Variants in ARHGEF37 observed in about 807,000 individuals in gnomAD.
ARHGEF37 encodes the protein Rho guanine nucleotide exchange factor (GEF) 37.
A neutral mutation model predicts 71.1 loss-of-function variants in ARHGEF37; 55 were observed. That is an observed-to-expected ratio of 0.77 (90% CI 0.62 to 0.97). The LOEUF is 0.97. Among genes scored for constraint, ARHGEF37 ranks in the 50% least tolerant of loss-of-function variants. The pLI, the probability that ARHGEF37 is intolerant of heterozygous loss-of-function variation, is 0.00. For missense variants in ARHGEF37, 765 were observed against 836.8 expected, an observed-to-expected ratio of 0.91 and a Z score of 1.06; for synonymous variants, 327 against 350.6, an observed-to-expected ratio of 0.93 and a Z score of 0.75.
rs537576039 is a variant in ARHGEF37 at position 149,624,001 on chromosome 5, T to C, written c.1336-11T>C. On this transcript the variant is annotated splice_polypyrimidine_tract_variant and intron_variant, in intron 9 of 12. Transcript: ENST00000333677. ...TGCCCAGCTCTGTTGACAGTGTCTGTCCCCACTTAGCTGCCCCACCACCAC... is the reference window on the plus strand; with the variant it reads ...TGCCCAGCTCTGTTGACAGTGTCTGCCCCCACTTAGCTGCCCCACCACCAC... 6.3e-7 allele frequency: 1 copy of C among 1,589,082 alleles called. No individual in the cohort carries two copies. The highest frequency in any genetic ancestry group is 2.3e-5 in the East Asian group (1 of 44,208).
At chr5:149,553,997 G>T (rs769345023) in intron 1 of ARHGEF37, among the ~76,000 whole-genome samples, 1 of 151,996 alleles carries the variant, frequency 6.6e-6, no homozygotes, top group Admixed American at 6.6e-5. Flanking sequence ...GTGAAACCCT[G>T]TCTCTACTAA....
chr5:149,628,512 C>T (rs1468265712), intron 11 of ARHGEF37, among the ~76,000 whole-genome samples: 3 of 152,182 alleles, frequency 2.0e-5, no homozygotes, highest in African/African-American at 7.2e-5. Flanking sequence ...GAGCTGGCGG[C>T]TCCATCAGAT....
chr5:149,598,084 G>C (rs1331703154), intron 2 of ARHGEF37, 129 bp downstream of exon 2: 1 of 1,132,922 alleles, frequency 8.8e-7, no homozygotes, highest in African/African-American at 1.6e-5. Flanking sequence ...AAGTCTGACA[G>C]ACCTGGATGT....
At chr5:149,605,736 T>C (rs953306334) in intron 3 of ARHGEF37, among the ~76,000 whole-genome samples, 1 of 152,210 alleles carries the variant, frequency 6.6e-6, no homozygotes, top group Non-Finnish European at 1.5e-5. Context: ...TCGTTACTTG[T>C]TGATTATTAT....
In ARHGEF37 at chr5:149,632,019, A is replaced by T. The variant is rs369725425; in HGVS notation, c.1856A>T (p.His619Leu). 6.2e-7 allele frequency: 1 copy of T among 1,614,118 alleles called. No homozygotes were observed. The change falls in exon 13 of 13, where the codon CAT becomes CTT. Residue 619 changes from histidine to leucine, a missense_variant. Physicochemically the swap from His to Leu is moderately conservative, Grantham distance 99 (BLOSUM62 -3). Transcript: ENST00000333677. ...TACCCTTTTGTGGCCAGAAGCAGCC[A>T]TGAAGTGAGCCTGCAGGCAGGCCAG... ...AAYPFVARSS[H>L]EVSLQAGQPV...
chr5:149,628,704 T>C (rs1259382863), intron 11 of ARHGEF37, 105 bp from the exon 12 acceptor site: 1 of 1,400,842 alleles, frequency 7.1e-7, no homozygotes, highest in African/African-American at 1.4e-5. Flanking sequence ...TTCTCTTGGG[T>C]GTTGAGAAGC....
chr5:149,565,829 ATTTTTTTTTTT>A (rs201683478), intron 1 of ARHGEF37, among the ~76,000 whole-genome samples: 896 of 84,244 alleles, frequency 0.011, 3 homozygotes, highest in African/African-American at 0.027. Flanking sequence ...AGAAACTCTA[ATTTTTTTTTTT>A]TTTTTTTTTT....
At chr5:149,598,265 CTT>C (rs112566239) in intron 2 of ARHGEF37, among the ~76,000 whole-genome samples, 1,462 of 98,514 alleles carry the variant, frequency 0.015, 20 homozygotes, top group African/African-American at 0.043. Context: ...TAAACTGACT[CTT>C]CTTCTTCTTC....
At chr5:149,599,961 C>G (rs1408293006) in intron 2 of ARHGEF37, among the ~76,000 whole-genome samples, 1 of 151,992 alleles carries the variant, frequency 6.6e-6, no homozygotes, top group Non-Finnish European at 1.5e-5. Context: ...CACTTAACAC[C>G]AGGGATATGT....
At chr5:149,564,892 T>G (rs901431571) in intron 1 of ARHGEF37, among the ~76,000 whole-genome samples, 3 of 152,232 alleles carry the variant, frequency 2.0e-5, no homozygotes, top group East Asian at 1.9e-4. Flanking sequence ...GGTATGTTAA[T>G]GAACCCATGG....
rs1752936111 is a variant in ARHGEF37 at position 149,633,117 on chromosome 5, C to A, written c.*926C>A. ...GTGGCCCCTGAGGTCCTGGAGGCAG[C>A]CGTGGATGTGATGCAATTGGCTGTG... On this transcript the variant is annotated 3_prime_UTR_variant, in exon 13 of 13. Coordinates refer to ENST00000333677, the MANE Select transcript of ARHGEF37 (RefSeq NM_001001669.3). 6.6e-6 allele frequency: 1 copy of A among 152,484 alleles called. No homozygotes were observed. Among genetic ancestry groups the A allele is most frequent in the Non-Finnish European group, 1.5e-5 (1 of 68,072 alleles). 9.4% of individuals were successfully genotyped at this position (152,484 alleles called of 1,614,324 possible). A position where few individuals can be genotyped will look rare whatever the true frequency, so the allele number is the denominator to read the frequency against.
At chr5:149,619,725 A>C (rs1752479376) in intron 7 of ARHGEF37, among the ~76,000 whole-genome samples, 2 of 152,188 alleles carry the variant, frequency 1.3e-5, no homozygotes, top group African/African-American at 4.8e-5. Context: ...TGTAAATAGG[A>C]AAAGTTAGAG....
At chr5:149,594,256 A>G (rs1224489375) in intron 1 of ARHGEF37, among the ~76,000 whole-genome samples, 2 of 152,204 alleles carry the variant, frequency 1.3e-5, no homozygotes, top group African/African-American at 4.8e-5. Context: ...AGTATTTCTC[A>G]TGATTTTATT....
At position 149,601,175 on chromosome 5, in the gene ARHGEF37, T is replaced by G. The variant is rs1252626217; in HGVS notation, c.254T>G (p.Phe85Cys). The change falls in exon 3 of 13, where the codon TTC (phenylalanine) becomes TGC (cysteine). Residue 85 changes from phenylalanine to cysteine, a missense_variant. By Grantham distance (205) the Phe-to-Cys change is radical. Coordinates refer to ENST00000333677, the MANE Select transcript of ARHGEF37 (RefSeq NM_001001669.3). The part of the protein sequence containing the change: ...IDDIIKVNSR[F>C]LHDLQETASK... ...GATATCATCAAAGTGAACAGCAGAT[T>G]CCTCCATGATCTGCAGGAGACAGCC... The G allele has an allele frequency of 1.2e-6, 2 of 1,613,216 alleles. No individual in the cohort carries two copies. Among genetic ancestry groups the G allele is most frequent in the Admixed American group, 3.3e-5 (2 of 59,974 alleles).
chr5:149,558,696 TGTG>T (rs1301787723), intron 1 of ARHGEF37, among the ~76,000 whole-genome samples: 1 of 12,252 alleles, frequency 8.2e-5, no homozygotes, highest in Non-Finnish European at 1.5e-4. Flanking sequence ...TATATATGTG[TGTG>T]TGTGTGTGTG....
intron 7 of ARHGEF37, among the ~76,000 whole-genome samples, chr5:149,619,586 A>T (rs1752476015): frequency 6.6e-6 from 1 of 152,142 alleles, no homozygotes; most frequent in African/African-American, 2.4e-5. Context: ...AGTTCTTCTG[A>T]CTTTAAGAAA....
At chr5:149,630,004 G>A (rs1164060053) in intron 12 of ARHGEF37, among the ~76,000 whole-genome samples, 1 of 151,500 alleles carries the variant, frequency 6.6e-6, no homozygotes, top group Admixed American at 6.6e-5. Context: ...GAGATAGAAG[G>A]TGGATGAATG....
At chr5:149,595,351 A>G (rs1012630634) in intron 1 of ARHGEF37, among the ~76,000 whole-genome samples, 3 of 151,720 alleles carry the variant, frequency 2.0e-5, no homozygotes, top group Non-Finnish European at 2.9e-5. Context: ...AATTACAAAA[A>G]AATTTTTTCT....
intron 1 of ARHGEF37, among the ~76,000 whole-genome samples, chr5:149,564,868 G>A (rs1762880974): frequency 6.6e-6 from 1 of 152,146 alleles, no homozygotes; most frequent in Non-Finnish European, 1.5e-5. Context: ...AGATCCCATG[G>A]TATGGCACAG....
Sources: allele counts gnomAD v4.1 joint callset (sites outside exome capture counted in the v4.1 genomes callset), GRCh38; gene constraint gnomAD v4.1.1; transcripts MANE v1.5; gene names NCBI Gene and HGNC (gene_info 2026-07-23, HGNC 2026-07-21).